Variants in KLHL29 observed in about 807,000 individuals in gnomAD.
The protein encoded by KLHL29 is kelch like family member 29, also known as kelch-like protein 29.
KLHL29 carries 21 observed loss-of-function variants against 80.4 expected under a neutral mutation model. The observed-to-expected ratio is 0.26, with a 90% CI of 0.19 to 0.38. KLHL29 has a LOEUF of 0.38. Ranked by LOEUF, KLHL29 falls within the 10% of genes least tolerant of loss-of-function variation. The probability of loss-of-function intolerance (pLI) is 1.00; values close to 1 mark genes in which losing one functional copy is unlikely to be tolerated. For synonymous variants in KLHL29, 511 were observed against 526.8 expected (o/e 0.97, Z 0.41); for missense variants, 867 against 1,223.9 (o/e 0.71, Z 4.35).
intron 3 of KLHL29, among the ~76,000 whole-genome samples, chr2:23,601,508 C>G (rs991140127): frequency 6.6e-6 from 1 of 152,194 alleles, no homozygotes; most frequent in African/African-American, 2.4e-5. Context: ...GAAAGCATGG[C>G]AGGTCTGAGG....
At chr2:23,496,909 A>G (rs755344472) in intron 2 of KLHL29, among the ~76,000 whole-genome samples, 9 of 152,240 alleles carry the variant, frequency 5.9e-5, no homozygotes, top group Non-Finnish European at 1.3e-4. Context: ...TTTGCCCTCC[A>G]AACACTGCAG....
At chr2:23,616,527 T>TA (rs1056063325) in intron 3 of KLHL29, 9 of 152,218 alleles carry the variant, frequency 5.9e-5, no homozygotes, top group African/African-American at 2.4e-5. Context: ...AAGATTTTAT[T>TA]AAAAAGAAAC....
In KLHL29 at chr2:23,708,521, A is replaced by G. The variant is rs1450845833; in HGVS notation, c.*1857A>G. The G allele has an allele frequency of 6.6e-6, 1 of 152,236 alleles. No individual in the cohort carries two copies. Among genetic ancestry groups the G allele is most frequent in the Non-Finnish European group, 1.5e-5 (1 of 68,044 alleles). 9.4% of individuals were successfully genotyped at this position (152,236 alleles called of 1,614,324 possible). On this transcript the variant is annotated 3_prime_UTR_variant, in exon 14 of 14. Coordinates refer to ENST00000486442, the MANE Select transcript of KLHL29 (RefSeq NM_052920.2). ...GCTATTTCTGTGAATGATATAAAAC[A>G]GGGTTCTCTGTAATGGTATTGTACA... is the stretch of plus-strand genomic sequence containing the variant.
At chr2:23,591,255 G>A (rs563085107) in intron 3 of KLHL29, among the ~76,000 whole-genome samples, 1 of 152,288 alleles carries the variant, frequency 6.6e-6, no homozygotes, top group Admixed American at 6.5e-5. Context: ...TGCCCTTGGG[G>A]CAATTTAGCT....
intron 5 of KLHL29, among the ~76,000 whole-genome samples, chr2:23,678,783 C>T (rs942573414): frequency 2.6e-5 from 4 of 152,152 alleles, no homozygotes; most frequent in Non-Finnish European, 5.9e-5. Context: ...ACCTTAAGGA[C>T]ATTATGCTAG....
rs113214568 is a variant in KLHL29, at chr2:23,499,809, T to C, written c.-46+24142T>C. ...CAGCTGCTGTGTTTATGACACATCT[T>C]CCTCCATGGACTGCTTAGGACGCTT... On this transcript the variant is annotated intron_variant, in intron 2 of 13. Transcript: ENST00000486442. Among the ~76,000 whole-genome samples the C allele has an allele frequency of 6.1e-3, 934 of 152,354 alleles. 11 individuals are homozygous for C. The highest frequency in any genetic ancestry group is 0.021 in the African/African-American group (863 of 41,582).
intron 2 of KLHL29, among the ~76,000 whole-genome samples, chr2:23,527,059 G>A (rs1294285713): frequency 6.6e-6 from 1 of 152,170 alleles, no homozygotes; most frequent in Non-Finnish European, 1.5e-5. Flanking sequence ...AGGAAGCTAG[G>A]ATGGGGAGTG....
At chr2:23,672,379 T>A (rs1397067358) in intron 5 of KLHL29, 1 of 152,384 alleles carries the variant, frequency 6.6e-6, no homozygotes, top group Admixed American at 6.5e-5. Context: ...GAAAGTGGTT[T>A]CCTCTTCATG....
At chr2:23,512,884 C>A (rs561621381) in intron 2 of KLHL29, among the ~76,000 whole-genome samples, 1 of 152,242 alleles carries the variant, frequency 6.6e-6, no homozygotes, top group African/African-American at 2.4e-5. Flanking sequence ...CAGGTGACAA[C>A]GTGTCGTACT....
chr2:23,440,894 G>T (rs1383201216), intron 1 of KLHL29, among the ~76,000 whole-genome samples: 1 of 152,220 alleles, frequency 6.6e-6, no homozygotes, highest in Non-Finnish European at 1.5e-5. Context: ...CTGTAAACTA[G>T]TTCAACCCTT....
chr2:23,505,161 G>A (rs964262280), intron 2 of KLHL29, among the ~76,000 whole-genome samples: 3 of 152,168 alleles, frequency 2.0e-5, no homozygotes, highest in Non-Finnish European at 4.4e-5. Context: ...CGTTCACCAT[G>A]GTCCCTCACT....
intron 3 of KLHL29, among the ~76,000 whole-genome samples, chr2:23,573,429 G>GC (rs150468668): frequency 0.022 from 3,350 of 152,232 alleles, 142 homozygotes; most frequent in African/African-American, 0.076. Flanking sequence ...TAAGGAACTT[G>GC]CCCCAGATCA....
intron 3 of KLHL29, among the ~76,000 whole-genome samples, chr2:23,615,901 T>C (rs1315312911): frequency 6.6e-6 from 1 of 152,184 alleles, no homozygotes; most frequent in Non-Finnish European, 1.5e-5. Flanking sequence ...CCCTGTCAGA[T>C]GAAAGATGGC....
intron 1 of KLHL29, among the ~76,000 whole-genome samples, chr2:23,470,142 A>G (rs374466539): frequency 1.4e-4 from 21 of 152,180 alleles, no homozygotes; most frequent in South Asian, 8.3e-4. Context: ...TGAACACCTC[A>G]TTTTCTTTAT....
At chr2:23,404,007 G>T (rs899300752) in intron 1 of KLHL29, among the ~76,000 whole-genome samples, 1 of 152,166 alleles carries the variant, frequency 6.6e-6, no homozygotes, top group African/African-American at 2.4e-5. Context: ...GTGGTTCCAT[G>T]ATAGTCTCCT....
intron 2 of KLHL29, among the ~76,000 whole-genome samples, chr2:23,551,088 C>T (rs1271149936): frequency 6.6e-6 from 1 of 152,216 alleles, no homozygotes; most frequent in Non-Finnish European, 1.5e-5. Context: ...GTAATGACAA[C>T]TCTGGTTGAT....
At chr2:23,608,307 C>T (rs1232469024) in intron 3 of KLHL29, among the ~76,000 whole-genome samples, 2 of 152,206 alleles carry the variant, frequency 1.3e-5, no homozygotes, top group Non-Finnish European at 2.9e-5. Flanking sequence ...ATATCTATAG[C>T]TTACTGTCTG....
intron 2 of KLHL29, among the ~76,000 whole-genome samples, chr2:23,539,431 C>CTT (rs1666768797): frequency 4.7e-5 from 5 of 107,214 alleles, no homozygotes; most frequent in Admixed American, 2.0e-4. Flanking sequence ...TATCCTGCCT[C>CTT]CTTTTTTTTT....
At chr2:23,455,978 G>A (rs1664038839) in intron 1 of KLHL29, among the ~76,000 whole-genome samples, 2 of 152,160 alleles carry the variant, frequency 1.3e-5, no homozygotes, top group South Asian at 2.1e-4. Context: ...AAAGAGGAAA[G>A]ACTGTGTGAG....
Sources: allele counts gnomAD v4.1 joint callset (sites outside exome capture counted in the v4.1 genomes callset), GRCh38; gene constraint gnomAD v4.1.1; transcripts MANE v1.5; gene names NCBI Gene and HGNC (gene_info 2026-07-23, HGNC 2026-07-21).